WDR20: variants seen among roughly 807,000 people sequenced by gnomAD.
WDR20 encodes WD repeat domain 20.
Under a neutral mutation model 38.7 loss-of-function variants are expected in WDR20, and 3 were observed. The ratio of observed to expected loss-of-function variants is 0.08; its 90% CI spans 0.04 to 0.20. WDR20 has a LOEUF of 0.20. Among genes scored for constraint, WDR20 ranks in the 10% least tolerant of loss-of-function variants. WDR20 has a pLI of 1.00. For synonymous variants in WDR20, 298 were observed against 285.6 expected, an observed-to-expected ratio of 1.04 and a Z score of -0.44; for missense variants, 559 against 727.7, an observed-to-expected ratio of 0.77 and a Z score of 2.67.
chr14:102,190,736 C>A (rs1471343171), intron 1 of WDR20, among the ~76,000 whole-genome samples: 2 of 152,030 alleles, frequency 1.3e-5, no homozygotes, highest in African/African-American at 4.8e-5. Context: ...TGTGGTGGCT[C>A]ACGCCTGTAA....
At chr14:102,153,062 C>A in intron 1 of WDR20, among the ~76,000 whole-genome samples, 1 of 152,112 alleles carries the variant, frequency 6.6e-6, no homozygotes, top group Non-Finnish European at 1.5e-5. Context: ...AATGGTTTAG[C>A]ACCATCTACT....
chr14:102,186,635 G>A (rs552250544), intron 1 of WDR20, among the ~76,000 whole-genome samples: 34 of 152,176 alleles, frequency 2.2e-4, no homozygotes, highest in African/African-American at 7.9e-4. Context: ...GGCACTAGCA[G>A]CCCCAAGCCT....
intron 2 of WDR20, among the ~76,000 whole-genome samples, chr14:102,196,275 A>G (rs542576445): frequency 6.6e-6 from 1 of 152,300 alleles, no homozygotes; most frequent in Admixed American, 6.5e-5. Context: ...AAAACTTGCC[A>G]TCTGGACTGA....
chr14:102,203,148 C>T (rs1263934074), intron 2 of WDR20, among the ~76,000 whole-genome samples: 1 of 152,236 alleles, frequency 6.6e-6, no homozygotes, highest in Non-Finnish European at 1.5e-5. Context: ...TATTCTGCCA[C>T]TTCCCTTTCT....
chr14:102,171,382 G>C (rs914780684), intron 1 of WDR20: 1 of 149,914 alleles, frequency 6.7e-6, no homozygotes, highest in Non-Finnish European at 1.5e-5. Context: ...TCCCACCTCA[G>C]TCTGGTGAGT....
At chr14:102,161,157 T>A (rs2152773767) in intron 1 of WDR20, among the ~76,000 whole-genome samples, 1 of 77,916 alleles carries the variant, frequency 1.3e-5, no homozygotes, top group Non-Finnish European at 2.6e-5. Flanking sequence ...TTTTTTTTTT[T>A]TTTTTTTTTT....
rs1303670182 is a variant in WDR20, at chr14:102,220,581, G to A, written c.1693-2249G>A. Among the ~76,000 whole-genome samples the A allele has an allele frequency of 1.3e-5, 2 of 152,036 alleles. No individual in the cohort carries two copies. The highest frequency in any genetic ancestry group is 2.4e-5 in the African/African-American group (1 of 41,402). On this transcript the variant is annotated intron_variant, in intron 3 of 3. Coordinates refer to the WDR20 transcript ENST00000335263. This position sits in a 1 kb window ranked among gnomAD's most constrained non-coding sequence, Gnocchi z 4.2. Reference sequence around the variant, plus strand: ...TAAAACTACAAAAAGTTAGCTGGGCGTGGTGGCAGGCGCCTGTAGTCCAAG... The same window carrying A: ...TAAAACTACAAAAAGTTAGCTGGGCATGGTGGCAGGCGCCTGTAGTCCAAG...
intron 2 of WDR20, among the ~76,000 whole-genome samples, chr14:102,200,928 C>T (rs936139819): frequency 6.6e-6 from 1 of 152,212 alleles, no homozygotes; most frequent in African/African-American, 2.4e-5. Flanking sequence ...GCCCAGGCTG[C>T]GTGGCACATC....
Position 102,208,968 on chromosome 14 carries a change from G to A in WDR20, c.798G>A (p.Leu266=). 1 of 1,614,214 alleles carries A rather than the reference G, an allele frequency of 6.2e-7. No homozygotes were observed. Among genetic ancestry groups the A allele is most frequent in the South Asian group, 1.1e-5 (1 of 91,084 alleles). The change falls in exon 3 of 3, where the codon CTG becomes CTA. Residue 266 remains leucine (L), a synonymous_variant. Coordinates refer to ENST00000342702, the MANE Select transcript of WDR20 (RefSeq NM_144574.4). This position sits in a 1 kb window ranked among gnomAD's most constrained non-coding sequence, Gnocchi z 5.6. The stretch of plus-strand genomic sequence containing the variant: ...TGAAAAGCTACTTTGGGGGCTTGCT[G>A]TGTGTGTGCTGGAGCCCGGATGGCA... The part of the protein sequence containing the change: ...GTMKSYFGGL[L]CVCWSPDGKY...
In WDR20 at chr14:102,220,732, AAAAAAG is replaced by A. The variant is rs890294142; in HGVS notation, c.1693-2093_1693-2088del. ...GAGACTCCGTCTCAAAAAAAAAAAA[AAAAAAG>A]AAAATATTAAAATTAATGTCACTTG... On this transcript the variant is annotated intron_variant, in intron 3 of 3. Transcript: ENST00000335263. The surrounding 1 kb of genome is among the most constrained non-coding windows in gnomAD (Gnocchi z 4.2). Among the ~76,000 whole-genome samples, 1 of 152,012 alleles carries A rather than the reference AAAAAAG, an allele frequency of 6.6e-6. No homozygotes were observed. Among genetic ancestry groups the A allele is most frequent in the Non-Finnish European group, 1.5e-5 (1 of 67,990 alleles).
intron 2 of WDR20, among the ~76,000 whole-genome samples, chr14:102,196,180 G>A (rs2059377949): frequency 6.6e-6 from 1 of 152,168 alleles, no homozygotes; most frequent in Non-Finnish European, 1.5e-5. Flanking sequence ...CACCCAGGGT[G>A]CTCCTGTTTG....
rs565292393 is a variant in WDR20 at position 102,220,969 on chromosome 14, G to A, written c.1693-1861G>A. ...ATTAGTAGAGATGGAGTTTCACCAT[G>A]TTGGCCAGGCTGGTCTCAGACTCCT... On this transcript the variant is annotated intron_variant, in intron 3 of 3. Transcript: ENST00000335263. The surrounding 1 kb of genome is among the most constrained non-coding windows in gnomAD (Gnocchi z 4.2). 2.0e-5 allele frequency among the ~76,000 whole-genome samples: 3 copies of A among 152,286 alleles called. No homozygotes were observed. In the South Asian group the frequency reaches 6.2e-4, roughly 32 times the overall value.
At chr14:102,171,805 G>A (rs1255143205) in intron 1 of WDR20, among the ~76,000 whole-genome samples, 1 of 151,568 alleles carries the variant, frequency 6.6e-6, no homozygotes, top group Non-Finnish European at 1.5e-5. Flanking sequence ...AGTAATAATA[G>A]GTAATTATGC....
chr14:102,170,745 C>A (rs2060639256), intron 1 of WDR20, among the ~76,000 whole-genome samples: 1 of 151,952 alleles, frequency 6.6e-6, no homozygotes, highest in South Asian at 2.1e-4. Context: ...CGTTCCACCT[C>A]AGCCTCTGAG....
Position 102,222,327 on chromosome 14 carries a change from C to T in WDR20, c.1693-503C>T, listed in dbSNP as rs551684267. Reference sequence around the variant, plus strand: ...CTACAGCCAGGGGGTGCCACGGTCACACCACCCAACAAAGCAAGAACCCCC... The same window carrying T: ...CTACAGCCAGGGGGTGCCACGGTCATACCACCCAACAAAGCAAGAACCCCC... On this transcript the variant is annotated intron_variant, in intron 3 of 3. Transcript: ENST00000335263. The surrounding 1 kb of genome is among the most constrained non-coding windows in gnomAD (Gnocchi z 4.4). Among the ~76,000 whole-genome samples the T allele has an allele frequency of 6.6e-6, 1 of 152,360 alleles. No homozygotes were observed. The highest frequency in any genetic ancestry group is 1.5e-5 in the Non-Finnish European group (1 of 68,036).
intron 1 of WDR20, among the ~76,000 whole-genome samples, chr14:102,168,228 T>C: frequency 6.6e-6 from 1 of 152,234 alleles, no homozygotes; most frequent in East Asian, 1.9e-4. Context: ...GGCAAGCCTG[T>C]TAATCATTCA....
chr14:102,188,338 T>G (rs148916215), intron 1 of WDR20, among the ~76,000 whole-genome samples: 33 of 152,306 alleles, frequency 2.2e-4, no homozygotes, highest in African/African-American at 7.7e-4. Context: ...CTTTTTGCCT[T>G]TGGTGGAATA....
chr14:102,188,872 C>CAAA (rs34508888), intron 1 of WDR20, among the ~76,000 whole-genome samples: 7 of 97,536 alleles, frequency 7.2e-5, no homozygotes, highest in Non-Finnish European at 1.2e-4. Flanking sequence ...GACCCTGTTT[C>CAAA]AAAAAAAAAA....
rs1276246741 is a variant in WDR20 at position 102,172,911 on chromosome 14, G to A, written c.250-22027G>A. 6.1e-5 allele frequency among the ~76,000 whole-genome samples: 9 copies of A among 148,712 alleles called. 1 individual carries two copies. The highest frequency in any genetic ancestry group is 2.0e-4 in the Admixed American group (3 of 14,986). On this transcript the variant is annotated intron_variant, in intron 1 of 2. Transcript: ENST00000342702. ...TTCTCAGATGGGGCGGCTGGGCAGC[G>A]ACGCTCCTCACCTCCCAGACGGGGT... is the stretch of plus-strand genomic sequence containing the variant.
Sources: allele counts gnomAD v4.1 joint callset (sites outside exome capture counted in the v4.1 genomes callset), GRCh38; gene constraint gnomAD v4.1.1; non-coding constraint Gnocchi (gnomAD v3.1); transcripts MANE v1.5; gene names NCBI Gene and HGNC (gene_info 2026-07-23, HGNC 2026-07-21).